Variants in FOXP2 observed in about 807,000 individuals in gnomAD.
FOXP2 encodes the protein forkhead box P2, also known as forkhead box protein P2.
A neutral mutation model predicts 115.8 loss-of-function variants in FOXP2; 12 were observed. The ratio of observed to expected loss-of-function variants is 0.10; its 90% confidence interval spans 0.07 to 0.17. FOXP2 has a LOEUF of 0.17. Among genes scored for constraint, FOXP2 ranks in the 10% least tolerant of loss-of-function variants. FOXP2 has a pLI of 1.00. For synonymous variants in FOXP2, 328 were observed against 297.7 expected, an observed-to-expected ratio of 1.10 and a Z score of -1.05; for missense variants, 629 against 843.5, an observed-to-expected ratio of 0.75 and a Z score of 3.15.
chr7:114,135,098 AG>A (rs1792004374), intron 1 of FOXP2, among the ~76,000 whole-genome samples: 1 of 152,252 alleles, frequency 6.6e-6, no homozygotes, highest in South Asian at 2.1e-4. Context: ...AGTAAGACAT[AG>A]GGCACATGCC....
chr7:114,603,967 G>A (rs913317304), intron 3 of FOXP2, among the ~76,000 whole-genome samples: 12 of 152,186 alleles, frequency 7.9e-5, no homozygotes, highest in Admixed American at 6.5e-4. Context: ...ATATGCCAGA[G>A]ATTCAAGGAT....
At chr7:114,164,408 G>C (rs1339521154) in intron 1 of FOXP2, among the ~76,000 whole-genome samples, 1 of 150,434 alleles carries the variant, frequency 6.6e-6, no homozygotes, top group South Asian at 2.1e-4. Flanking sequence ...ACAGTGGTGC[G>C]ATCTCGGCTC....
At chr7:114,289,184 A>G (rs975984855) in intron 2 of FOXP2, among the ~76,000 whole-genome samples, 1 of 151,852 alleles carries the variant, frequency 6.6e-6, no homozygotes, top group African/African-American at 2.4e-5. Context: ...TTTACCAGAT[A>G]GACATTAAAA....
At chr7:114,661,505 T>G (rs1348848303) in intron 13 of FOXP2, among the ~76,000 whole-genome samples, 1 of 152,080 alleles carries the variant, frequency 6.6e-6, no homozygotes, top group Non-Finnish European at 1.5e-5. Context: ...TGTGTCTTAT[T>G]GTGCAGGCAG....
intron 1 of FOXP2, among the ~76,000 whole-genome samples, chr7:114,276,572 G>C (rs533920224): frequency 6.6e-6 from 1 of 152,098 alleles, no homozygotes; most frequent in African/African-American, 2.4e-5. Flanking sequence ...ACAAGCTGGT[G>C]GGGGAGTATA....
chr7:114,498,766 T>G (rs992108088), intron 2 of FOXP2: 1 of 691,394 alleles, frequency 1.4e-6, no homozygotes, highest in Non-Finnish European at 2.7e-6. Context: ...CTTATTTAAT[T>G]TTATAGGCAT....
At chr7:114,116,160 C>T (rs1791402100) in intron 1 of FOXP2, among the ~76,000 whole-genome samples, 1 of 152,080 alleles carries the variant, frequency 6.6e-6, no homozygotes, top group Admixed American at 6.6e-5. Flanking sequence ...GGAACAACTC[C>T]AGATGCCAAC....
At chr7:114,248,146 A>C (rs1023519328) in intron 1 of FOXP2, among the ~76,000 whole-genome samples, 9 of 151,178 alleles carry the variant, frequency 6.0e-5, no homozygotes, top group African/African-American at 1.9e-4. Flanking sequence ...TCTGTGTCTG[A>C]AGGCAGGAGA....
intron 1 of FOXP2, among the ~76,000 whole-genome samples, chr7:114,120,542 G>T (rs1363371594): frequency 6.6e-6 from 1 of 152,010 alleles, no homozygotes; most frequent in African/African-American, 2.4e-5. Context: ...TGAAGGACTT[G>T]AACTAGAAAG....
intron 2 of FOXP2, among the ~76,000 whole-genome samples, chr7:114,320,949 G>T (rs768760003): frequency 6.6e-6 from 1 of 152,078 alleles, no homozygotes; most frequent in African/African-American, 2.4e-5. Context: ...CTAAGGCAAC[G>T]TTTACTTTAT....
At chr7:114,099,548 C>A (rs1244147776) in intron 1 of FOXP2, among the ~76,000 whole-genome samples, 1 of 152,072 alleles carries the variant, frequency 6.6e-6, no homozygotes, top group East Asian at 1.9e-4. Context: ...ATGAGATCAC[C>A]CCATAAAGAT....
At chr7:114,392,039 G>A (rs541962270) in intron 2 of FOXP2, among the ~76,000 whole-genome samples, 62 of 152,048 alleles carry the variant, frequency 4.1e-4, no homozygotes, top group Middle Eastern at 3.4e-3. Context: ...CTTTAATACC[G>A]TGCCTGACAC....
At chr7:114,302,050 T>G (rs1217965274) in intron 2 of FOXP2, among the ~76,000 whole-genome samples, 2 of 152,192 alleles carry the variant, frequency 1.3e-5, no homozygotes, top group Admixed American at 1.3e-4. Flanking sequence ...GGCTGTTGAT[T>G]AGTAGAAGTC....
intron 2 of FOXP2, among the ~76,000 whole-genome samples, chr7:114,446,209 A>G (rs1659049184): frequency 6.6e-6 from 1 of 152,072 alleles, no homozygotes; most frequent in African/African-American, 2.4e-5. Flanking sequence ...TTACAATTCT[A>G]AAGTCCCTGC....
At chr7:114,307,238 A>G (rs568588381) in intron 2 of FOXP2, among the ~76,000 whole-genome samples, 1 of 152,178 alleles carries the variant, frequency 6.6e-6, no homozygotes, top group African/African-American at 2.4e-5. Flanking sequence ...CATTTAACTA[A>G]GGCTACTATT....
chr7:114,485,085 T>A (rs1796717359), intron 2 of FOXP2, among the ~76,000 whole-genome samples: 1 of 151,996 alleles, frequency 6.6e-6, no homozygotes, highest in Non-Finnish European at 1.5e-5. Context: ...CTAGATTTTG[T>A]TAACATTATA....
At chr7:114,460,360 A>G (rs546547279) in intron 2 of FOXP2, among the ~76,000 whole-genome samples, 3 of 152,318 alleles carry the variant, frequency 2.0e-5, no homozygotes, top group South Asian at 4.1e-4. Context: ...AAGCAATATA[A>G]AATATTAATC....
chr7:114,109,513 G>T (rs1206196742), intron 1 of FOXP2, among the ~76,000 whole-genome samples: 1 of 152,008 alleles, frequency 6.6e-6, no homozygotes, highest in East Asian at 1.9e-4. Context: ...TGCTTGAAGA[G>T]AATTTATATT....
intron 1 of FOXP2, among the ~76,000 whole-genome samples, chr7:114,137,645 T>TA (rs201857204): frequency 6.9e-6 from 1 of 145,556 alleles, no homozygotes; most frequent in African/African-American, 2.7e-5. Context: ...AAGTTTTCAT[T>TA]AAAAAAAATG....
Sources: allele counts gnomAD v4.1 joint callset (sites outside exome capture counted in the v4.1 genomes callset), GRCh38; gene constraint gnomAD v4.1.1; transcripts MANE v1.5; gene names NCBI Gene and HGNC (gene_info 2026-07-23, HGNC 2026-07-21).